Variants in VPS13B observed in about 807,000 individuals in gnomAD.
VPS13B encodes intermembrane lipid transfer protein VPS13B.
VPS13B carries 285 observed loss-of-function variants against 426.4 expected under a neutral mutation model. That is an observed-to-expected ratio of 0.67 (90% confidence interval 0.61 to 0.74). The LOEUF (loss-of-function observed/expected upper bound fraction) is 0.74. Among genes scored for constraint, VPS13B ranks in the 30% least tolerant of loss-of-function variants. The pLI, the probability that VPS13B is intolerant of heterozygous loss-of-function variation, is 0.00. For synonymous variants in VPS13B, 1,676 were observed against 1,676.4 expected (o/e 1.00, Z 0.01); for missense variants, 4,537 against 4,782.6 (o/e 0.95, Z 1.51).
At chr8:99,286,743 T>C (rs73285975) in intron 19 of VPS13B, among the ~76,000 whole-genome samples, 2,563 of 152,262 alleles carry the variant, frequency 0.017, 63 homozygotes, top group African/African-American at 0.059. Flanking sequence ...CTAAGAGGCT[T>C]GCTAAATTCC....
chr8:99,556,304 T>C (rs1824559771), intron 30 of VPS13B, 146 bp from the exon 31 acceptor site: 1 of 839,530 alleles, frequency 1.2e-6, no homozygotes, highest in Admixed American at 2.3e-5. Flanking sequence ...TCTGAAACCT[T>C]TTTCATAGAT....
intron 39 of VPS13B, among the ~76,000 whole-genome samples, chr8:99,727,369 C>T (rs1168784423): frequency 6.6e-6 from 1 of 152,152 alleles, no homozygotes; most frequent in Non-Finnish European, 1.5e-5. Context: ...GACTGCCAAA[C>T]ACACAAGATG....
intron 8 of VPS13B, among the ~76,000 whole-genome samples, chr8:99,132,636 G>A (rs987147903): frequency 2.6e-5 from 4 of 151,780 alleles, no homozygotes; most frequent in East Asian, 1.9e-4. Flanking sequence ...ATAGCCTTAC[G>A]AAATGTATTC....
intron 19 of VPS13B, 129 bp from the exon 20 acceptor site, chr8:99,384,079 C>T: frequency 2.5e-6 from 2 of 813,044 alleles, no homozygotes; most frequent in Non-Finnish European, 4.2e-6. Context: ...TTGCATTCCT[C>T]CACATCCTTT....
At chr8:99,270,129 A>ATTT (rs1370378172) in intron 17 of VPS13B, among the ~76,000 whole-genome samples, 2 of 16,822 alleles carry the variant, frequency 1.2e-4, no homozygotes, top group African/African-American at 2.8e-4. Context: ...AGATATAAGA[A>ATTT]TCTTTTTTTT....
chr8:99,042,769 G>A (rs1307142587), intron 3 of VPS13B, among the ~76,000 whole-genome samples: 4 of 152,096 alleles, frequency 2.6e-5, no homozygotes, highest in African/African-American at 9.7e-5. Context: ...TTACAATCAA[G>A]AGCCACTGAT....
intron 30 of VPS13B, among the ~76,000 whole-genome samples, chr8:99,534,645 A>G (rs1823102118): frequency 6.6e-6 from 1 of 152,172 alleles, no homozygotes; most frequent in African/African-American, 2.4e-5. Flanking sequence ...AGTGAGAGAA[A>G]GCATAGGGTA....
At chr8:99,336,827 C>A (rs1398525918) in intron 19 of VPS13B, among the ~76,000 whole-genome samples, 1 of 152,130 alleles carries the variant, frequency 6.6e-6, no homozygotes, top group African/African-American at 2.4e-5. Flanking sequence ...CATCTCACAC[C>A]AGATAGAATG....
intron 61 of VPS13B, among the ~76,000 whole-genome samples, chr8:99,872,653 A>ACAT (rs1189188562): frequency 9.9e-5 from 15 of 152,172 alleles, no homozygotes; most frequent in African/African-American, 3.6e-4. Flanking sequence ...TAAATAATAG[A>ACAT]CATCTTTTTC....
Position 99,323,982 on chromosome 8 carries a change from G to A in VPS13B, c.2824+48728G>A, listed in dbSNP as rs147238167. On this transcript the variant is annotated intron_variant, in intron 19 of 61. Coordinates refer to ENST00000357162, the MANE Select transcript of VPS13B (RefSeq NM_152564.5). ...ATAAAACTGGCAAAGGACTCCCAGCGTGGAATGTTAATGGGGTGAAGTAAT... is the reference window on the plus strand; with the variant it reads ...ATAAAACTGGCAAAGGACTCCCAGCATGGAATGTTAATGGGGTGAAGTAAT... Among the ~76,000 whole-genome samples, 12 of 152,256 alleles carry A rather than the reference G, an allele frequency of 7.9e-5. No homozygotes were observed. The East Asian group carries it at 2.3e-3, about 29-fold the overall frequency.
chr8:99,789,870 C>T (rs1024092878), intron 43 of VPS13B, among the ~76,000 whole-genome samples: 1 of 152,062 alleles, frequency 6.6e-6, no homozygotes, highest in African/African-American at 2.4e-5. Flanking sequence ...TGGAAAAAGA[C>T]ATGTCAAAAT....
intron 33 of VPS13B, among the ~76,000 whole-genome samples, chr8:99,603,262 C>T (rs1263826531): frequency 6.6e-6 from 1 of 152,194 alleles, no homozygotes; most frequent in East Asian, 1.9e-4. Flanking sequence ...AAGTGCAGCA[C>T]TTCCCTCTTA....
In VPS13B at chr8:99,059,751, G is replaced by A. The variant is rs867332580; in HGVS notation, c.291+21185G>A. Among the ~76,000 whole-genome samples, 52 of 27,884 alleles carry A rather than the reference G, an allele frequency of 1.9e-3. 1 individual carries two copies. Among genetic ancestry groups the A allele is most frequent in the African/African-American group, 7.3e-3 (50 of 6,824 alleles). The allele number at this position is 27,884 out of a possible 152,430, so 18.3% of individuals were successfully genotyped here. ...TCTGCTTTTTTTTTTTTTTTTTTTTGAGACAGGGTTTTGCTCTGTCACCCA... is the reference window on the plus strand; with the variant it reads ...TCTGCTTTTTTTTTTTTTTTTTTTTAAGACAGGGTTTTGCTCTGTCACCCA... On this transcript the variant is annotated intron_variant, in intron 3 of 61. Coordinates refer to ENST00000357162, the MANE Select transcript of VPS13B (RefSeq NM_152564.5).
chr8:99,336,403 T>C (rs1444734439), intron 19 of VPS13B, among the ~76,000 whole-genome samples: 8 of 152,252 alleles, frequency 5.3e-5, no homozygotes, highest in African/African-American at 1.9e-4. Flanking sequence ...CCTAAAACCA[T>C]GAAAACCCTA....
intron 16 of VPS13B, among the ~76,000 whole-genome samples, chr8:99,183,705 T>G (rs569213633): frequency 1.4e-4 from 21 of 152,268 alleles, no homozygotes; most frequent in African/African-American, 3.9e-4. Flanking sequence ...AATGTAGTAT[T>G]GAAGTAATAA....
intron 58 of VPS13B, among the ~76,000 whole-genome samples, chr8:99,866,840 G>A (rs1301520532): frequency 6.6e-6 from 1 of 152,212 alleles, no homozygotes; most frequent in African/African-American, 2.4e-5. Flanking sequence ...GCAAATGAGG[G>A]GTGCTCCCAG....
intron 17 of VPS13B, among the ~76,000 whole-genome samples, chr8:99,262,081 C>G (rs1818069606): frequency 6.6e-6 from 1 of 152,088 alleles, no homozygotes; most frequent in South Asian, 2.1e-4. Context: ...TTCTGAGATG[C>G]AAGTGGGGGT....
At chr8:99,513,531 G>C (rs907186205) in intron 29 of VPS13B, among the ~76,000 whole-genome samples, 1 of 152,112 alleles carries the variant, frequency 6.6e-6, no homozygotes, top group African/African-American at 2.4e-5. Flanking sequence ...TACTAATAAA[G>C]AAATGTTGAC....
At chr8:99,221,136 G>A (rs1056632817) in intron 17 of VPS13B, among the ~76,000 whole-genome samples, 2 of 128,698 alleles carry the variant, frequency 1.6e-5, no homozygotes, top group African/African-American at 6.0e-5. Flanking sequence ...TTTTATGGCT[G>A]CATAGTATTC....
Sources: gnomAD v4.1 joint callset for allele counts (sites outside exome capture counted in the v4.1 genomes callset) on GRCh38, gnomAD v4.1.1 for gene constraint, MANE v1.5 for transcripts, NCBI Gene and HGNC (gene_info 2026-07-23, HGNC 2026-07-21) for gene names.